SYNE2: variants seen among roughly 807,000 people sequenced by gnomAD.
SYNE2 encodes nesprin-2.
Under a neutral mutation model 856.3 loss-of-function variants are expected in SYNE2, and 431 were observed. That is an observed-to-expected ratio of 0.50 (90% CI 0.47 to 0.55). The LOEUF is 0.55. Among genes scored for constraint, SYNE2 ranks in the 20% least tolerant of loss-of-function variants. The pLI is 0.00. For synonymous variants in SYNE2, 2,923 were observed against 2,872.3 expected (o/e 1.02, Z -0.56); for missense variants, 8,129 against 8,023.2 (o/e 1.01, Z -0.50).
intron 8 of SYNE2, among the ~76,000 whole-genome samples, chr14:63,956,889 C>G (rs147465455): frequency 0.02 from 3,111 of 152,246 alleles, 62 homozygotes; most frequent in Non-Finnish European, 0.028. Flanking sequence ...AAATTGTTCA[C>G]TCATCACCAC....
At chr14:64,173,501 G>A (rs1431130517) in intron 94 of SYNE2, among the ~76,000 whole-genome samples, 6 of 152,172 alleles carry the variant, frequency 3.9e-5, no homozygotes, top group Admixed American at 3.3e-4. Context: ...TTGTAAATTA[G>A]TGATGCTCTG....
rs1202584954 is a variant in SYNE2, at chr14:64,055,988, A to G, written c.9789A>G (p.Glu3263=). The change falls in exon 49 of 116, where the codon GAA becomes GAG. Residue 3263 remains glutamate (E), a synonymous_variant. Transcript: ENST00000555002. The part of the protein sequence containing the change: ...DAYENLTRYK[E]AVTRAVESIT... ...ATGAAAATCTAACACGCTATAAAGA[A>G]GCAGTCACCAGGGCAGTGGAGAGCA... The G allele has an allele frequency of 1.2e-6, 2 of 1,614,118 alleles. No homozygotes were observed. The highest frequency in any genetic ancestry group is 2.2e-5 in the South Asian group (2 of 91,084).
At chr14:64,006,437 G>A (rs369279746) in intron 30 of SYNE2, among the ~76,000 whole-genome samples, 2 of 151,806 alleles carry the variant, frequency 1.3e-5, no homozygotes, top group South Asian at 2.1e-4. Context: ...CTTTTCTCTC[G>A]TGTGTATACA....
rs767824153 is a variant in SYNE2, at chr14:64,146,056, A to G, written c.15484-12A>G. ...CATTTTAACATTTTTTGTAATCTTT[A>G]CATTCACTTAGATACAACATTTAGA... On this transcript the variant is annotated splice_polypyrimidine_tract_variant and intron_variant, in intron 83 of 115. Transcript: ENST00000555002. 5.9e-6 allele frequency: 9 copies of G among 1,528,356 alleles called. No individual in the cohort carries two copies. Among genetic ancestry groups the G allele is most frequent in the South Asian group, 3.7e-5 (3 of 81,534 alleles). The allele number at this position is 1,528,356 out of a possible 1,614,324, so 94.7% of individuals were successfully genotyped here. A position where few individuals can be genotyped will look rare whatever the true frequency, so the allele number is the denominator to read the frequency against.
upstream of SYNE2, among the ~76,000 whole-genome samples, chr14:63,852,000 A>G: frequency 1.0e-4 from 1 of 9,962 alleles, no homozygotes; most frequent in Non-Finnish European, 1.8e-4. Context: ...GGGGAATGAA[A>G]TGGATGAAAT....
chr14:63,812,713 G>C lies in SYNE2; in HGVS notation c.-304-39788G>C, dbSNP rs549007768. On this transcript the variant is annotated intron_variant, in intron 1 of 23. Transcript: ENST00000674003. ...TCTTCACAATTTATGTTCCTCTGCT[G>C]TGGCTCCAGCTGGTCCCTCCATTTG... Among the ~76,000 whole-genome samples, 4 of 152,220 alleles carry C rather than the reference G, an allele frequency of 2.6e-5. No individual in the cohort carries two copies. In the East Asian group the frequency reaches 7.7e-4, roughly 29 times the overall value.
intron 23 of SYNE2, among the ~76,000 whole-genome samples, chr14:63,995,681 G>A (rs1332690657): frequency 6.6e-6 from 1 of 151,598 alleles, no homozygotes; most frequent in Non-Finnish European, 1.5e-5. Context: ...CTACTGTTGT[G>A]GCTCTCCCAC....
rs1339101231 is a variant in SYNE2, at chr14:64,062,853, A to G, written c.10170A>G (p.Pro3390=). ...TTGGACAGTCCATGTCCTCGTTGCC[A>G]CTGTCTTACAGAGAAGCTTTAGAGC... ...TVLGQSMSSL[P]LSYREALERL... The change falls in exon 50 of 116, where the codon CCA becomes CCG. Residue 3390 remains proline, a synonymous_variant. Coordinates refer to ENST00000555002, the MANE Select transcript of SYNE2 (RefSeq NM_182914.3). The G allele has an allele frequency of 1.2e-6, 2 of 1,614,198 alleles. No homozygotes were observed. Among genetic ancestry groups the G allele is most frequent in the Admixed American group, 1.7e-5 (1 of 60,020 alleles).
chr14:63,780,706 TA>T lies in SYNE2; in HGVS notation c.-305+18728del, dbSNP rs200753823. Among the ~76,000 whole-genome samples, 8 of 152,052 alleles carry T rather than the reference TA, an allele frequency of 5.3e-5. No homozygotes were observed. In the East Asian group the frequency reaches 9.7e-4, roughly 18 times the overall value. On this transcript the variant is annotated intron_variant, in intron 1 of 23. Transcript: ENST00000674003. Reference sequence around the variant, plus strand: ...AAATATAAAACTGTTTGAGAAGTATTAAAAAAAATGAACAAACTACTGAAGC... The same window carrying T: ...AAATATAAAACTGTTTGAGAAGTATTAAAAAAATGAACAAACTACTGAAGC...
intron 73 of SYNE2, among the ~76,000 whole-genome samples, 167 bp from the exon 74 acceptor site, chr14:64,128,285 A>G (rs976699240): frequency 1.3e-5 from 2 of 152,220 alleles, no homozygotes; most frequent in African/African-American, 2.4e-5. Context: ...AAGGTCAGCC[A>G]TGAATCAATA....
chr14:64,067,079 A>G (rs1411161291), intron 51 of SYNE2, among the ~76,000 whole-genome samples: 4 of 152,192 alleles, frequency 2.6e-5, no homozygotes, highest in Admixed American at 2.6e-4. Flanking sequence ...TTATTGCTAT[A>G]TACCCATTTA....
intron 49 of SYNE2, among the ~76,000 whole-genome samples, chr14:64,061,183 T>C (rs1169818924): frequency 1.3e-5 from 2 of 152,232 alleles, no homozygotes; most frequent in African/African-American, 4.8e-5. Flanking sequence ...GGATGATCAG[T>C]AGAGGCTTCT....
chr14:63,941,510 TA>T (rs1302630519), intron 3 of SYNE2, among the ~76,000 whole-genome samples, 184 bp from the exon 4 acceptor site: 1 of 152,206 alleles, frequency 6.6e-6, no homozygotes, highest in African/African-American at 2.4e-5. Context: ...AGCCATAAGA[TA>T]AATTAAATTC....
intron 1 of SYNE2, among the ~76,000 whole-genome samples, chr14:63,831,625 G>C (rs1252749573): frequency 7.2e-6 from 1 of 139,096 alleles, no homozygotes; most frequent in South Asian, 2.2e-4. Flanking sequence ...GCACAATCTC[G>C]GCTCACTGAA....
chr14:64,180,506 T>A (rs1408788324), intron 96 of SYNE2, among the ~76,000 whole-genome samples: 1 of 129,758 alleles, frequency 7.7e-6, no homozygotes, highest in African/African-American at 3.4e-5. Flanking sequence ...GGTTTATAAC[T>A]TTTTTTTTTT....
intron 1 of SYNE2, among the ~76,000 whole-genome samples, chr14:63,840,399 T>TTTCCTTCC (rs747899857): frequency 0.02 from 2,249 of 115,320 alleles, 51 homozygotes; most frequent in East Asian, 0.082. Context: ...CTTTCTTTCC[T>TTTCCTTCC]TTCCTTCCTT....
rs1010857682 is a variant in SYNE2 at position 64,225,876 on chromosome 14, G to A, written c.*350G>A. 5 of 536,954 alleles carry A rather than the reference G, an allele frequency of 9.3e-6. No individual in the cohort carries two copies. The highest frequency in any genetic ancestry group is 6.4e-5 in the Admixed American group (2 of 31,260). The allele number at this position is 536,954 out of a possible 1,614,324, so 33.3% of individuals were successfully genotyped here. On this transcript the variant is annotated 3_prime_UTR_variant, in exon 116 of 116. Transcript: ENST00000555002. ...ATAATGTAGGTATGGTCAATGAGCA[G>A]TGGTGTCCATCACATATATTATAGA... is the stretch of plus-strand genomic sequence containing the variant.
intron 1 of SYNE2, among the ~76,000 whole-genome samples, chr14:63,780,302 G>A (rs1214371505): frequency 2.0e-5 from 3 of 152,186 alleles, no homozygotes; most frequent in Non-Finnish European, 2.9e-5. Flanking sequence ...GGGAGGCCGA[G>A]GCGGGCAGAC....
At chr14:64,131,166 G>A (rs2098016388) in intron 76 of SYNE2, among the ~76,000 whole-genome samples, 1 of 152,148 alleles carries the variant, frequency 6.6e-6, no homozygotes, top group Admixed American at 6.5e-5. Context: ...GAAGGATGGA[G>A]GGGAAGAGGA....
Sources: allele counts gnomAD v4.1 joint callset (sites outside exome capture counted in the v4.1 genomes callset), GRCh38; gene constraint gnomAD v4.1.1; transcripts MANE v1.5; gene names NCBI Gene and HGNC (gene_info 2026-07-23, HGNC 2026-07-21).